Variants in ESR1 observed in about 807,000 individuals in gnomAD.
ESR1 encodes estrogen receptor.
A neutral mutation model predicts 52.7 loss-of-function variants in ESR1; 12 were observed. That is an observed-to-expected ratio of 0.23 (90% CI 0.15 to 0.37). The LOEUF (loss-of-function observed/expected upper bound fraction) is 0.37, where lower values mean the gene tolerates loss of function less well. Among genes scored for constraint, ESR1 ranks in the 10% least tolerant of loss-of-function variants. The probability of loss-of-function intolerance (pLI) is 1.00; values close to 1 mark genes in which losing one functional copy is unlikely to be tolerated. For missense variants in ESR1, 584 were observed against 779.7 expected, an observed-to-expected ratio of 0.75 and a Z score of 2.99; for synonymous variants, 305 against 316.8, an observed-to-expected ratio of 0.96 and a Z score of 0.39.
chr6:151,716,593 C>T (rs1781056591), intron 2 of ESR1, among the ~76,000 whole-genome samples: 1 of 152,182 alleles, frequency 6.6e-6, no homozygotes, highest in South Asian at 2.1e-4. Flanking sequence ...CGATGTGCTT[C>T]ACCCAGTTTG....
rs776580317 is a variant in ESR1 at position 152,122,625 on chromosome 6, C to A, written c.851-2641C>A. The stretch of plus-strand genomic sequence containing the variant: ...CTCTGAACAGGAAGCCGCGGCCGGA[C>A]CGACCTGGCCCTGGCTCAGAAAGGG... On this transcript the variant is annotated intron_variant, in intron 6 of 6. Coordinates refer to the ESR1 transcript ENST00000427531. 2.5e-6 allele frequency: 4 copies of A among 1,613,988 alleles called. No individual in the cohort carries two copies. The African/African-American group carries it at 4.0e-5, about 16-fold the overall frequency.
chr6:152,005,418 G>C (rs1177538105), intron 4 of ESR1, among the ~76,000 whole-genome samples: 1 of 151,864 alleles, frequency 6.6e-6, no homozygotes, highest in Non-Finnish European at 1.5e-5. Context: ...AACATAAACA[G>C]AAAATACAAC....
intron 2 of ESR1, among the ~76,000 whole-genome samples, chr6:151,769,008 C>T (rs973300346): frequency 6.6e-6 from 1 of 152,144 alleles, no homozygotes; most frequent in African/African-American, 2.4e-5. Flanking sequence ...AATTCATTTT[C>T]CTGACAGCAC....
In ESR1 at chr6:151,972,586, T is replaced by A. The variant is rs548521237; in HGVS notation, c.1096+28078T>A. Reference sequence around the variant, plus strand: ...ATCTCAATAGATGCAGAAAAAGCATTTGACAAAACCTAGCATCCAATTATG... The same window carrying A: ...ATCTCAATAGATGCAGAAAAAGCATATGACAAAACCTAGCATCCAATTATG... On this transcript the variant is annotated intron_variant, in intron 4 of 7. Transcript: ENST00000206249. Among the ~76,000 whole-genome samples, 8 of 152,270 alleles carry A rather than the reference T, an allele frequency of 5.3e-5. 1 individual carries two copies. The South Asian group carries it at 1.5e-3, about 28-fold the overall frequency.
At chr6:151,848,503 A>G (rs1318494711) in intron 2 of ESR1, among the ~76,000 whole-genome samples, 1 of 151,442 alleles carries the variant, frequency 6.6e-6, no homozygotes, top group African/African-American at 2.4e-5. Flanking sequence ...TAAAAAAAAA[A>G]AGAGATCTTA....
intron 1 of ESR1, among the ~76,000 whole-genome samples, chr6:151,838,591 G>A (rs1014612158): frequency 2.6e-5 from 4 of 152,126 alleles, no homozygotes; most frequent in African/African-American, 7.2e-5. Flanking sequence ...TTATTTCAAC[G>A]TGCCACAGGG....
chr6:151,731,663 A>G (rs1782256440), intron 2 of ESR1, among the ~76,000 whole-genome samples: 1 of 152,168 alleles, frequency 6.6e-6, no homozygotes, highest in Non-Finnish European at 1.5e-5. Flanking sequence ...AACTGATCAT[A>G]TTTTATTCTG....
At chr6:151,779,344 C>T (rs1018974641) in intron 2 of ESR1, among the ~76,000 whole-genome samples, 26 of 152,038 alleles carry the variant, frequency 1.7e-4, no homozygotes, top group African/African-American at 5.3e-4. Flanking sequence ...ATTTATTAAA[C>T]GGGGAATCCT....
chr6:151,821,678 GAT>G (rs1376303955), intron 1 of ESR1, among the ~76,000 whole-genome samples: 3 of 152,054 alleles, frequency 2.0e-5, no homozygotes, highest in Admixed American at 6.5e-5. Flanking sequence ...TTTCATTATA[GAT>G]ATTTCACTTT....
chr6:151,838,590 C>T (rs878883762), intron 1 of ESR1, among the ~76,000 whole-genome samples: 9 of 152,170 alleles, frequency 5.9e-5, no homozygotes, highest in Non-Finnish European at 1.0e-4. Flanking sequence ...ATTATTTCAA[C>T]GTGCCACAGG....
At chr6:152,107,504 G>A (rs139434819), downstream of ESR1, among the ~76,000 whole-genome samples, 9 of 152,140 alleles carry the variant, frequency 5.9e-5, no homozygotes, top group East Asian at 1.7e-3. Flanking sequence ...ATTCATTGTT[G>A]TCATACTCTA....
At chr6:152,000,233 A>G (rs1312045952) in intron 4 of ESR1, among the ~76,000 whole-genome samples, 1 of 152,016 alleles carries the variant, frequency 6.6e-6, no homozygotes, top group East Asian at 1.9e-4. Context: ...CATTCATTCA[A>G]AAAATATCCA....
intron 5 of ESR1, among the ~76,000 whole-genome samples, chr6:152,048,606 T>C (rs1364362569): frequency 1.3e-5 from 2 of 152,172 alleles, no homozygotes; most frequent in African/African-American, 4.8e-5. Flanking sequence ...GTGTTGCTCA[T>C]TGTTAAACCT....
At chr6:151,935,866 G>A (rs1035099304) in intron 3 of ESR1, among the ~76,000 whole-genome samples, 1 of 152,090 alleles carries the variant, frequency 6.6e-6, no homozygotes, top group African/African-American at 2.4e-5. Context: ...ATTTCTTAGT[G>A]ATTCTGAACT....
chr6:151,805,306 C>T (rs1363762858), upstream of ESR1: 6 of 152,280 alleles, frequency 3.9e-5, no homozygotes, highest in South Asian at 4.1e-4. Context: ...TATATTCTTT[C>T]GGAAAAACCA....
chr6:151,675,835 G>C (rs1025760555), intron 1 of ESR1, among the ~76,000 whole-genome samples: 5 of 152,182 alleles, frequency 3.3e-5, no homozygotes, highest in Non-Finnish European at 7.3e-5. Flanking sequence ...ATTGATGCCG[G>C]AAACTGGTGA....
rs546960480 is a variant in ESR1 at position 152,100,198 on chromosome 6, C to T, written c.*1232C>T. On this transcript the variant is annotated 3_prime_UTR_variant, in exon 8 of 8. Coordinates refer to ENST00000206249, the MANE Select transcript of ESR1 (RefSeq NM_000125.4). ...AGTCCAGCTCTTCTTCATTTCCCAGCGTGGCCCTGGTTGGAAGAAGCAGCT... is the reference window on the plus strand; with the variant it reads ...AGTCCAGCTCTTCTTCATTTCCCAGTGTGGCCCTGGTTGGAAGAAGCAGCT... 10 of 396,976 alleles carry T rather than the reference C, an allele frequency of 2.5e-5. No individual in the cohort carries two copies. Among genetic ancestry groups the T allele is most frequent in the African/African-American group, 8.2e-5 (4 of 48,708 alleles). The allele number at this position is 396,976 out of a possible 1,614,324, so 24.6% of individuals were successfully genotyped here.
chr6:151,689,381 T>C (rs1227297662), upstream of ESR1, among the ~76,000 whole-genome samples: 1 of 152,214 alleles, frequency 6.6e-6, no homozygotes, highest in East Asian at 1.9e-4. Flanking sequence ...TGTAAGTGAA[T>C]CTTGTTGAGA....
chr6:152,119,047 G>C (rs1254015651), intron 6 of ESR1, among the ~76,000 whole-genome samples: 1 of 152,194 alleles, frequency 6.6e-6, no homozygotes. Context: ...CCACTGGGCT[G>C]CTTTCAGGCA....
Sources: allele counts gnomAD v4.1 joint callset (sites outside exome capture counted in the v4.1 genomes callset), GRCh38; gene constraint gnomAD v4.1.1; transcripts MANE v1.5; gene names NCBI Gene and HGNC (gene_info 2026-07-23, HGNC 2026-07-21).